The following FMN1 variants were observed in gnomAD, a reference collection of about 807,000 sequenced individuals.
The protein encoded by FMN1 is formin-1.
In FMN1, 110 loss-of-function variants were observed where a neutral mutation model predicts 132.4. The ratio of observed to expected loss-of-function variants is 0.83; its 90% confidence interval spans 0.71 to 0.97. The LOEUF is 0.97. Among genes scored for constraint, FMN1 ranks in the 50% least tolerant of loss-of-function variants. The probability of loss-of-function intolerance (pLI) is 0.00; values close to 1 mark genes in which losing one functional copy is unlikely to be tolerated. For synonymous variants in FMN1, 722 were observed against 651.7 expected (o/e 1.11, Z -1.64); for missense variants, 1,792 against 1,705.3 (o/e 1.05, Z -0.90).
At chr15:32,864,018 A>G (rs2059337025) in intron 16 of FMN1, among the ~76,000 whole-genome samples, 1 of 152,214 alleles carries the variant, frequency 6.6e-6, no homozygotes, top group Non-Finnish European at 1.5e-5. Flanking sequence ...GGAAAATCAT[A>G]CTTACAATTA....
intron 19 of FMN1, among the ~76,000 whole-genome samples, chr15:32,791,712 A>C (rs1420358453): frequency 6.6e-6 from 1 of 152,216 alleles, no homozygotes; most frequent in East Asian, 1.9e-4. Context: ...AAGAGTCAGA[A>C]ATAGATGAAA....
intron 19 of FMN1, among the ~76,000 whole-genome samples, chr15:32,788,205 C>G (rs554570285): frequency 6.6e-6 from 1 of 152,366 alleles, no homozygotes; most frequent in South Asian, 2.1e-4. Context: ...GCCAATCACT[C>G]TGCACTTAGT....
In FMN1 at chr15:33,153,129, G is replaced by A. The variant is rs767108069; in HGVS notation, c.1786C>T (p.Arg596Trp). ...TCCAAAGTTTCCCCAGGCACCAACCGAGGTTGGCCTGCTCTGAGGAAGGCC... is the reference window on the plus strand; with the variant it reads ...TCCAAAGTTTCCCCAGGCACCAACCAAGGTTGGCCTGCTCTGAGGAAGGCC... ...SPAFLRAGQP[R>W]LVPGETLEKS... Residue 596 changes from arginine to tryptophan, a missense_variant, in exon 4 of 21, where the codon CGG becomes TGG. Physicochemically the swap from Arg to Trp is moderately radical, Grantham distance 101. Around this residue, in one of 3 missense-constraint regions of FMN1, gnomAD observed 1,150 missense variants for 1,043.1 expected, o/e 1.10. Transcript: ENST00000616417. The A allele has an allele frequency of 9.1e-6, 14 of 1,535,932 alleles. No homozygotes were observed. The highest frequency in any genetic ancestry group is 1.4e-5 in the African/African-American group (1 of 73,048).
chr15:32,981,380 C>T (rs1041093822), intron 7 of FMN1, among the ~76,000 whole-genome samples: 10 of 151,180 alleles, frequency 6.6e-5, no homozygotes, highest in South Asian at 2.1e-4. Context: ...TAGTCCCAGC[C>T]GGTGGCAGGC....
intron 7 of FMN1, among the ~76,000 whole-genome samples, chr15:32,972,886 T>C (rs544976378): frequency 1.3e-5 from 2 of 152,334 alleles, no homozygotes; most frequent in Middle Eastern, 3.4e-3. Context: ...CGAACCCCAA[T>C]GTGTTCCTCC....
chr15:32,867,401 T>C (rs1156983725), intron 16 of FMN1, among the ~76,000 whole-genome samples: 1 of 152,232 alleles, frequency 6.6e-6, no homozygotes, highest in African/African-American at 2.4e-5. Context: ...TGCTCACTTC[T>C]TCCCATTATG....
At chr15:32,984,994 A>G (rs956196400) in intron 7 of FMN1, among the ~76,000 whole-genome samples, 3 of 151,744 alleles carry the variant, frequency 2.0e-5, no homozygotes, top group African/African-American at 7.3e-5. Flanking sequence ...AAAAAAAAAA[A>G]AAAAAAGAAG....
At chr15:32,950,685 T>C (rs1341313511) in intron 9 of FMN1, among the ~76,000 whole-genome samples, 1 of 152,006 alleles carries the variant, frequency 6.6e-6, no homozygotes, top group Non-Finnish European at 1.5e-5. Context: ...CTGGGGCCTA[T>C]TAGAAGGTGG....
chr15:32,967,440 G>A (rs2031346317), intron 8 of FMN1, among the ~76,000 whole-genome samples: 1 of 152,172 alleles, frequency 6.6e-6, no homozygotes, highest in African/African-American at 2.4e-5. Context: ...ACTAATTTGA[G>A]AACACTAATA....
chr15:33,023,059 CAAAA>C (rs758459713), intron 6 of FMN1, among the ~76,000 whole-genome samples: 2 of 53,214 alleles, frequency 3.8e-5, no homozygotes, highest in Non-Finnish European at 3.4e-5. Flanking sequence ...CTCCCCCACC[CAAAA>C]AAAAAAAAAA....
chr15:32,891,715 C>T (rs942052319), intron 15 of FMN1, among the ~76,000 whole-genome samples: 9 of 152,056 alleles, frequency 5.9e-5, no homozygotes, highest in African/African-American at 1.7e-4. Flanking sequence ...GTGTTGTCTA[C>T]GGTTTCTTTC....
At chr15:32,830,213 A>C (rs367700996) in intron 17 of FMN1, among the ~76,000 whole-genome samples, 60 of 152,276 alleles carry the variant, frequency 3.9e-4, no homozygotes, top group African/African-American at 1.3e-3. Context: ...AAATGACAGG[A>C]GATTAAAATC....
At chr15:32,850,935 T>C (rs747209453) in intron 17 of FMN1, among the ~76,000 whole-genome samples, 19 of 152,278 alleles carry the variant, frequency 1.2e-4, no homozygotes, top group Non-Finnish European at 1.9e-4. Flanking sequence ...GGCAGGTGCC[T>C]GTAGTCCCAG....
intron 10 of FMN1, among the ~76,000 whole-genome samples, chr15:32,921,679 C>T (rs371873342): frequency 5.5e-4 from 78 of 140,790 alleles, no homozygotes; most frequent in African/African-American, 1.7e-3. Context: ...TCTTTTTTTT[C>T]TTTTTTTTTT....
At chr15:33,140,430 G>T (rs980093670) in intron 4 of FMN1, among the ~76,000 whole-genome samples, 4 of 152,168 alleles carry the variant, frequency 2.6e-5, no homozygotes, top group African/African-American at 9.7e-5. Flanking sequence ...TTTTGAAGGG[G>T]TCTGCTCTAA....
At chr15:32,855,251 C>G (rs890661944) in intron 17 of FMN1, among the ~76,000 whole-genome samples, 3 of 151,024 alleles carry the variant, frequency 2.0e-5, no homozygotes, top group Non-Finnish European at 4.4e-5. Context: ...TAGAGTTGGG[C>G]CCGGGTATCA....
intron 9 of FMN1, among the ~76,000 whole-genome samples, chr15:32,961,487 A>C (rs1206619218): frequency 6.6e-6 from 1 of 152,142 alleles, no homozygotes; most frequent in Non-Finnish European, 1.5e-5. Flanking sequence ...CAACCAGCCC[A>C]AGCTCACATA....
Position 32,931,586 on chromosome 15 carries a change from AC to A in FMN1, c.3139-5326del, listed in dbSNP as rs532708039. 7.2e-5 allele frequency among the ~76,000 whole-genome samples: 11 copies of A among 152,274 alleles called. No individual in the cohort carries two copies. In the South Asian group the frequency reaches 1.9e-3, roughly 26 times the overall value. On this transcript the variant is annotated intron_variant, in intron 9 of 20. Transcript: ENST00000616417. ...TGCTGAATGTTTTTCATAGTTCTTCACAGTTTGCTTTTTTGGGGGAATCCTT... is the reference window on the plus strand; with the variant it reads ...TGCTGAATGTTTTTCATAGTTCTTCAAGTTTGCTTTTTTGGGGGAATCCTT...
At chr15:33,003,584 G>T (rs945604244) in intron 7 of FMN1, among the ~76,000 whole-genome samples, 2 of 152,228 alleles carry the variant, frequency 1.3e-5, no homozygotes, top group Admixed American at 6.5e-5. Flanking sequence ...ATGCTCATGG[G>T]TAAGAATCAA....
Sources: gnomAD v4.1 joint callset for allele counts (sites outside exome capture counted in the v4.1 genomes callset) on GRCh38, gnomAD v4.1.1 for gene constraint, gnomAD v4.1.1 regional missense constraint, MANE v1.5 for transcripts, NCBI Gene and HGNC (gene_info 2026-07-23, HGNC 2026-07-21) for gene names.